RFX7: variants seen among roughly 807,000 people sequenced by gnomAD.
The protein encoded by RFX7 is regulatory factor X7, also known as DNA-binding protein RFX7.
In RFX7, 26 loss-of-function variants were observed where a neutral mutation model predicts 111.8. The ratio of observed to expected loss-of-function variants is 0.23; its 90% CI spans 0.17 to 0.32. The LOEUF (loss-of-function observed/expected upper bound fraction) is 0.32, where lower values mean the gene tolerates loss of function less well. Among genes scored for constraint, RFX7 ranks in the 10% least tolerant of loss-of-function variants. The pLI, the probability that RFX7 is intolerant of heterozygous loss-of-function variation, is 1.00. For missense variants in RFX7, 1,573 were observed against 1,772.9 expected (o/e 0.89, Z 2.02); for synonymous variants, 624 against 624.4 (o/e 1.00, Z 0.01).
intron 5 of RFX7, among the ~76,000 whole-genome samples, chr15:56,104,033 T>A (rs1172611538): frequency 3.3e-5 from 5 of 152,210 alleles, no homozygotes; most frequent in Admixed American, 2.0e-4. Flanking sequence ...ACTGGGATAA[T>A]TTCCAATATA....
At chr15:56,184,639 G>A (rs562007467) in intron 2 of RFX7, among the ~76,000 whole-genome samples, 1 of 148,350 alleles carries the variant, frequency 6.7e-6, no homozygotes, top group South Asian at 2.4e-4. Context: ...TGATAGTTAA[G>A]GCTTTTGTTC....
intron 3 of RFX7, among the ~76,000 whole-genome samples, chr15:56,174,854 A>G (rs906036869): frequency 2.6e-5 from 4 of 152,194 alleles, no homozygotes; most frequent in African/African-American, 9.6e-5. Flanking sequence ...TCCATGAACA[A>G]GCTAATGTTA....
At chr15:56,215,342 G>T (rs768592976) in intron 2 of RFX7, among the ~76,000 whole-genome samples, 3 of 152,282 alleles carry the variant, frequency 2.0e-5, no homozygotes, top group African/African-American at 7.2e-5. Context: ...GTAGTCTGTA[G>T]ATACCATTCA....
chr15:56,215,467 C>T (rs1399237435), intron 2 of RFX7, among the ~76,000 whole-genome samples: 3 of 152,152 alleles, frequency 2.0e-5, no homozygotes, highest in African/African-American at 7.2e-5. Flanking sequence ...AACTTGACTT[C>T]CCTCATCTGT....
At chr15:56,102,345 A>T in intron 6 of RFX7, 92 bp from the exon 7 acceptor site, 1 of 665,566 alleles carries the variant, frequency 1.5e-6, no homozygotes, top group Non-Finnish European at 2.5e-6. Context: ...AATGAGAAAA[A>T]AAAATCAACA....
rs1227162433 is a variant in RFX7, at chr15:56,243,382, A to AG, written c.-3+62dup. 14 of 319,586 alleles carry AG rather than the reference A, an allele frequency of 4.4e-5. No individual in the cohort carries two copies. The Admixed American group carries it at 8.3e-4, about 19-fold the overall frequency. The allele number at this position is 319,586 out of a possible 1,614,324, so 19.8% of individuals were successfully genotyped here. On this transcript the variant is annotated intron_variant, in intron 1 of 9. Transcript: ENST00000559447. ...GGGAGGACGAAGGGGGGAGAGGAGG[A>AG]GGGGGAGGGGGAGGGGAAGAGGAGG...
rs575286555 is a variant in RFX7, at chr15:56,092,704, G to T, written c.*641C>A. On this transcript the variant is annotated 3_prime_UTR_variant, in exon 10 of 10. Transcript: ENST00000559447. Reference sequence around the variant, plus strand: ...AGGTCACAAATATAAATGGCTACTTGTTTTTTTTCCCTTAAAAATTTTAGT... The same window carrying T: ...AGGTCACAAATATAAATGGCTACTTTTTTTTTTTCCCTTAAAAATTTTAGT... The T allele has an allele frequency of 5.9e-5, 9 of 152,162 alleles. No homozygotes were observed. The highest frequency in any genetic ancestry group is 8.8e-5 in the Non-Finnish European group (6 of 67,866). 9.4% of individuals were successfully genotyped at this position (152,162 alleles called of 1,614,324 possible).
At chr15:56,118,578 CTT>C (rs1326738419) in intron 5 of RFX7, among the ~76,000 whole-genome samples, 12 of 152,338 alleles carry the variant, frequency 7.9e-5, no homozygotes, top group African/African-American at 2.6e-4. Context: ...GCTACATTCT[CTT>C]TATCCATTCA....
chr15:56,226,138 A>T (rs1383308833), intron 2 of RFX7, among the ~76,000 whole-genome samples: 1 of 152,180 alleles, frequency 6.6e-6, no homozygotes, highest in Non-Finnish European at 1.5e-5. Context: ...AACACTCTGT[A>T]CTACAGAAGT....
chr15:56,161,204 T>A (rs964814947), intron 3 of RFX7, among the ~76,000 whole-genome samples: 7 of 152,218 alleles, frequency 4.6e-5, no homozygotes, highest in Non-Finnish European at 8.8e-5. Context: ...TTTCTCACAA[T>A]GCTTCTCTTC....
Position 56,103,727 on chromosome 15 carries a change from G to A in RFX7, c.402-57C>T, listed in dbSNP as rs146705642. The A allele has an allele frequency of 9.4e-5, 96 of 1,023,526 alleles. No homozygotes were observed. The African/African-American group carries it at 1.3e-3, about 14-fold the overall frequency. 63.4% of individuals were successfully genotyped at this position (1,023,526 alleles called of 1,614,324 possible). The stretch of plus-strand genomic sequence containing the variant: ...ACAGAATTCAGAATTATATCGCAGG[G>A]TGCTATTTCAATACAATTTGATCCT... On this transcript the variant is annotated intron_variant, in intron 5 of 9. Coordinates refer to ENST00000559447, the MANE Select transcript of RFX7 (RefSeq NM_022841.7).
At chr15:56,105,961 T>C (rs1185024313) in intron 5 of RFX7, among the ~76,000 whole-genome samples, 3 of 152,168 alleles carry the variant, frequency 2.0e-5, no homozygotes, top group African/African-American at 4.8e-5. Flanking sequence ...TGTTGAACTA[T>C]AGGGTATGAA....
chr15:56,129,590 T>C (rs1291402723), intron 5 of RFX7, among the ~76,000 whole-genome samples: 1 of 152,168 alleles, frequency 6.6e-6, no homozygotes, highest in African/African-American at 2.4e-5. Flanking sequence ...ACTTTCAACA[T>C]TTCTATTATC....
At chr15:56,235,547 C>T (rs1279796333) in intron 2 of RFX7, among the ~76,000 whole-genome samples, 2 of 152,088 alleles carry the variant, frequency 1.3e-5, no homozygotes, top group Admixed American at 6.5e-5. Context: ...TTGGTTTATA[C>T]CTTAAAACTA....
intron 2 of RFX7, among the ~76,000 whole-genome samples, chr15:56,239,414 G>A (rs891041956): frequency 2.0e-5 from 3 of 151,802 alleles, no homozygotes; most frequent in Admixed American, 2.0e-4. Flanking sequence ...GATTACAGGT[G>A]GGCACCACCA....
At chr15:56,238,567 G>A (rs1460009932) in intron 2 of RFX7, among the ~76,000 whole-genome samples, 1 of 152,012 alleles carries the variant, frequency 6.6e-6, no homozygotes, top group African/African-American at 2.4e-5. Context: ...CCATAAAGTG[G>A]GCAAAACGAT....
chr15:56,230,198 T>C (rs2043534797), intron 2 of RFX7, among the ~76,000 whole-genome samples: 1 of 152,174 alleles, frequency 6.6e-6, no homozygotes, highest in African/African-American at 2.4e-5. Context: ...ACAAAATAAC[T>C]AACCAGTCCA....
chr15:56,175,991 T>C (rs1284489626), intron 3 of RFX7, among the ~76,000 whole-genome samples: 1 of 152,186 alleles, frequency 6.6e-6, no homozygotes, highest in African/African-American at 2.4e-5. Context: ...CTATTATTCT[T>C]GCTTATGGCT....
intron 3 of RFX7, among the ~76,000 whole-genome samples, chr15:56,169,377 T>A (rs1447134489): frequency 6.6e-6 from 1 of 152,232 alleles, no homozygotes; most frequent in Non-Finnish European, 1.5e-5. Context: ...TAAAATGCAA[T>A]CCTTGACTAA....
Sources: gnomAD v4.1 joint callset for allele counts (sites outside exome capture counted in the v4.1 genomes callset) on GRCh38, gnomAD v4.1.1 for gene constraint, MANE v1.5 for transcripts, NCBI Gene and HGNC (gene_info 2026-07-23, HGNC 2026-07-21) for gene names.